NAALAD2: variants seen among roughly 807,000 people sequenced by gnomAD.
The protein encoded by NAALAD2 is N-acetylated-alpha-linked acidic dipeptidase 2.
In NAALAD2, 89 loss-of-function variants were observed where a neutral mutation model predicts 95.6. The observed-to-expected ratio is 0.93, with a 90% CI of 0.78 to 1.11. NAALAD2 has a LOEUF of 1.11. Among genes scored for constraint, NAALAD2 ranks in the 50% least tolerant of loss-of-function variants. The pLI is 0.00. For synonymous variants in NAALAD2, 264 were observed against 294.4 expected, an observed-to-expected ratio of 0.90 and a Z score of 1.06; for missense variants, 894 against 872.4, an observed-to-expected ratio of 1.02 and a Z score of -0.31.
At chr11:90,143,375 C>T (rs1219697990) in intron 2 of NAALAD2, among the ~76,000 whole-genome samples, 1 of 152,092 alleles carries the variant, frequency 6.6e-6, no homozygotes, top group Non-Finnish European at 1.5e-5. Context: ...GTTGACTCCG[C>T]TAATACACAT....
chr11:90,176,063 G>A lies in NAALAD2; in HGVS notation c.1593+1G>A. 1 of 1,609,120 alleles carries A rather than the reference G, an allele frequency of 6.2e-7. No homozygotes were observed. Among genetic ancestry groups the A allele is most frequent in the Non-Finnish European group, 8.5e-7 (1 of 1,175,818 alleles). On this transcript the variant is annotated splice_donor_variant, in intron 15 of 18. Coordinates refer to ENST00000534061, the MANE Select transcript of NAALAD2 (RefSeq NM_005467.4). LOFTEE classifies it high-confidence loss of function. ...CAGAGCCCGTTACACTAAGAATAAG[G>A]TAAGCCATTTTATCATTTTGAATAT...
At chr11:90,155,575 A>T (rs1405470791) in intron 6 of NAALAD2, among the ~76,000 whole-genome samples, 1 of 58,966 alleles carries the variant, frequency 1.7e-5, no homozygotes, top group Admixed American at 2.4e-4. Flanking sequence ...ATAATATATA[A>T]TATATATGTA....
chr11:90,175,981 G>A lies in NAALAD2; in HGVS notation c.1512G>A (p.Lys504=), dbSNP rs140286655. ...TGCATTCTACATCTAGAATCAATAA[G>A]CTGGGATCTGGAAGTGACTTTGAAG... is the stretch of plus-strand genomic sequence containing the variant. ...PENKNLPRIN[K]LGSGSDFEAY... is the part of the protein sequence containing the mutation. Residue 504 remains lysine, a synonymous_variant, in exon 15 of 19, where the codon AAG becomes AAA. Coordinates refer to ENST00000534061, the MANE Select transcript of NAALAD2 (RefSeq NM_005467.4). 710 of 1,605,782 alleles carry A rather than the reference G, an allele frequency of 4.4e-4. 3 individuals are homozygous for A. In the African/African-American group the frequency reaches 8.7e-3, roughly 20 times the overall value.
At chr11:90,135,756 G>A in intron 2 of NAALAD2, 86 bp downstream of exon 2, 1 of 1,043,526 alleles carries the variant, frequency 9.6e-7, no homozygotes, top group Non-Finnish European at 1.4e-6. Context: ...ATATGCATGA[G>A]GACAGTCTTC....
chr11:90,174,917 TAACAC>T (rs764846985), intron 14 of NAALAD2, among the ~76,000 whole-genome samples: 9 of 152,108 alleles, frequency 5.9e-5, no homozygotes, highest in Non-Finnish European at 1.0e-4. Flanking sequence ...TTATAGCACT[TAACAC>T]AAACTTTGTT....
chr11:90,137,046 A>G (rs1951468430), intron 2 of NAALAD2, among the ~76,000 whole-genome samples: 1 of 152,188 alleles, frequency 6.6e-6, no homozygotes, highest in Non-Finnish European at 1.5e-5. Context: ...AAGAAATCCT[A>G]TCATTTGTAG....
intron 17 of NAALAD2, among the ~76,000 whole-genome samples, chr11:90,182,564 A>C (rs565400544): frequency 6.6e-6 from 1 of 152,234 alleles, no homozygotes; most frequent in South Asian, 2.1e-4. Context: ...CAGCAGTAGA[A>C]CCGAATGACT....
chr11:90,162,894 A>G (rs1831757691), intron 8 of NAALAD2, 55 bp from the exon 9 acceptor site: 2 of 985,806 alleles, frequency 2.0e-6, no homozygotes, highest in Non-Finnish European at 3.1e-6. Context: ...ATAATAAAAC[A>G]CTGTAAAAAA....
intron 4 of NAALAD2, 152 bp from the exon 5 acceptor site, chr11:90,150,330 G>T: frequency 1.3e-4 from 45 of 347,184 alleles, no homozygotes; most frequent in Non-Finnish European, 1.6e-4. Flanking sequence ...ATTCTCTAAT[G>T]AATTCTGCAT....
intron 4 of NAALAD2, among the ~76,000 whole-genome samples, chr11:90,150,164 A>T (rs1951848570): frequency 6.6e-6 from 1 of 152,164 alleles, no homozygotes; most frequent in Non-Finnish European, 1.5e-5. Flanking sequence ...CTGAGGCAGA[A>T]TCACTTGAAC....
At chr11:90,162,903 AAC>A in intron 8 of NAALAD2, 44 bp from the exon 9 acceptor site, 139 of 1,088,146 alleles carry the variant, frequency 1.3e-4, no homozygotes, top group Non-Finnish European at 1.7e-4. Context: ...CACTGTAAAA[AAC>A]ATAATTTGCT....
At chr11:90,173,954 G>T (rs754831550) in intron 14 of NAALAD2, 39 bp downstream of exon 14, 1 of 1,298,298 alleles carries the variant, frequency 7.7e-7, no homozygotes, top group South Asian at 1.2e-5. Flanking sequence ...TGTAGGATAA[G>T]TTATGAATTC....
At chr11:90,191,450 T>C (rs1857322916) in intron 18 of NAALAD2, 108 bp from the exon 19 acceptor site, 5 of 688,872 alleles carry the variant, frequency 7.3e-6, no homozygotes. Context: ...CTTCTTATTA[T>C]AGGAACAAAA....
intron 2 of NAALAD2, among the ~76,000 whole-genome samples, chr11:90,141,911 C>G (rs953005437): frequency 1.3e-5 from 2 of 151,964 alleles, no homozygotes; most frequent in African/African-American, 4.8e-5. Context: ...AGAAAAATTG[C>G]CTCTTTGTGC....
intron 15 of NAALAD2, among the ~76,000 whole-genome samples, chr11:90,177,612 T>G (rs1230404919): frequency 9.4e-4 from 86 of 91,096 alleles, no homozygotes; most frequent in South Asian, 2.9e-3. Flanking sequence ...TTTTTTTTTT[T>G]TTTTTTTTTT....
In NAALAD2 at chr11:90,147,343, C is replaced by T. The variant is rs765941384; in HGVS notation, c.208C>T (p.Leu70Phe). ...TTTTCATTTTAGTTCTTTTACAAAG[C>T]TTCCTCATCTGGCAGGAACAGAACA... ...IKSFLRSFTK[L>F]PHLAGTEQNF... Residue 70 changes from leucine (L) to phenylalanine (F), a missense_variant, in exon 3 of 19, where the codon CTT becomes TTT. Coordinates refer to ENST00000534061, the MANE Select transcript of NAALAD2 (RefSeq NM_005467.4). 4 of 1,612,694 alleles carry T rather than the reference C, an allele frequency of 2.5e-6. No homozygotes were observed. The highest frequency in any genetic ancestry group is 3.4e-6 in the Non-Finnish European group (4 of 1,179,536).
Position 90,150,623 on chromosome 11 carries a change from T to G in NAALAD2, c.609+16T>G. On this transcript the variant is annotated intron_variant, in intron 5 of 18. Transcript: ENST00000534061. ...AGGAAATAAAGTACAGTATTATTTG[T>G]TTTTCTACAGAGAATGAGAGGATAT... 1 of 1,569,004 alleles carries G rather than the reference T, an allele frequency of 6.4e-7. No homozygotes were observed. Among genetic ancestry groups the G allele is most frequent in the Non-Finnish European group, 8.7e-7 (1 of 1,146,868 alleles).
chr11:90,167,425 G>GC (rs1162866690), intron 11 of NAALAD2, among the ~76,000 whole-genome samples: 3 of 152,258 alleles, frequency 2.0e-5, no homozygotes, highest in Admixed American at 1.3e-4. Flanking sequence ...CTGAGCCTGC[G>GC]CCCCCGCCGC....
chr11:90,168,012 C>G (rs542100521), intron 11 of NAALAD2, among the ~76,000 whole-genome samples: 6 of 152,266 alleles, frequency 3.9e-5, no homozygotes, highest in African/African-American at 9.6e-5. Context: ...TTCTTTTGCT[C>G]TTTGCAATAT....
Sources: gnomAD v4.1 joint callset for allele counts (sites outside exome capture counted in the v4.1 genomes callset) on GRCh38, gnomAD v4.1.1 for gene constraint, MANE v1.5 for transcripts, NCBI Gene and HGNC (gene_info 2026-07-23, HGNC 2026-07-21) for gene names.